The following KANSL1 variants were observed in gnomAD, a reference collection of about 807,000 sequenced individuals.
KANSL1 encodes the protein KAT8 regulatory NSL complex subunit 1.
Under a neutral mutation model 103.6 loss-of-function variants are expected in KANSL1, and 22 were observed. That is an observed-to-expected ratio of 0.21 (90% CI 0.15 to 0.30). The LOEUF (loss-of-function observed/expected upper bound fraction) is 0.30. Among genes scored for constraint, KANSL1 ranks in the 10% least tolerant of loss-of-function variants. KANSL1 has a pLI of 1.00. For missense variants in KANSL1, 1,337 were observed against 1,399.8 expected (o/e 0.96, Z 0.72); for synonymous variants, 600 against 527.6 (o/e 1.14, Z -1.88).
chr17:46,153,929 G>A (rs2532298), intron 2 of KANSL1, among the ~76,000 whole-genome samples: 21,948 of 152,128 alleles, frequency 0.14, 2,132 homozygotes, highest in Non-Finnish European at 0.22. Flanking sequence ...ATATGTAAGG[G>A]CTTTAAATAA....
intron 6 of KANSL1, among the ~76,000 whole-genome samples, chr17:46,065,758 T>A (rs1247277175): frequency 2.0e-5 from 3 of 152,256 alleles, no homozygotes; most frequent in Non-Finnish European, 4.4e-5. Context: ...AGGCAACTGC[T>A]ATTTGAAGAG....
intron 2 of KANSL1, among the ~76,000 whole-genome samples, chr17:46,140,135 T>C (rs567366039): frequency 7.9e-5 from 12 of 152,170 alleles, no homozygotes; most frequent in East Asian, 3.9e-4. Context: ...CACATACACA[T>C]ACATACATAT....
At chr17:46,200,192 T>G (rs1483009657) in intron 1 of KANSL1, among the ~76,000 whole-genome samples, 1 of 152,224 alleles carries the variant, frequency 6.6e-6, no homozygotes, top group Non-Finnish European at 1.5e-5. Context: ...TCTAATATAC[T>G]GATTTTGCAG....
At chr17:46,064,959 GT>G (rs908656441) in intron 6 of KANSL1, among the ~76,000 whole-genome samples, 2 of 151,220 alleles carry the variant, frequency 1.3e-5, no homozygotes, top group South Asian at 2.1e-4. Flanking sequence ...GTATACGTGT[GT>G]TTTTTTTGTT....
intron 1 of KANSL1, among the ~76,000 whole-genome samples, chr17:46,220,588 A>G (rs1317061635): frequency 6.6e-6 from 1 of 152,290 alleles, no homozygotes; most frequent in East Asian, 1.9e-4. Flanking sequence ...ATATAATGCA[A>G]TGAGAAGTCT....
chr17:46,135,616 C>T (rs966597393), intron 2 of KANSL1, among the ~76,000 whole-genome samples: 2 of 143,826 alleles, frequency 1.4e-5, no homozygotes, highest in East Asian at 2.0e-4. Context: ...ATAATCATGG[C>T]TCATTTCAGC....
intron 3 of KANSL1, among the ~76,000 whole-genome samples, chr17:46,085,030 T>C (rs1363082314): frequency 6.6e-6 from 1 of 152,168 alleles, no homozygotes; most frequent in Non-Finnish European, 1.5e-5. Flanking sequence ...AATCATTTTA[T>C]TATTCAAATT....
At position 46,039,769 on chromosome 17, in the gene KANSL1, C is replaced by T. The variant is rs2277613; in HGVS notation, c.2136G>A (p.Pro712=). The T allele has an allele frequency of 0.038, 60,531 of 1,614,126 alleles. 8,477 individuals are homozygous for T. The East Asian group carries it at 0.46, about 12-fold the overall frequency. The part of the protein sequence containing the change: ...KLSLKHRAPM[P]GSLPDSARKD... Reference sequence around the variant, plus strand: ...TACGAGCTGAATCTGGCAGACTGCCCGGCATGGGTGCTCTGTGCTTAAGCG... The same window carrying T: ...TACGAGCTGAATCTGGCAGACTGCCTGGCATGGGTGCTCTGTGCTTAAGCG... Residue 712 remains proline, a synonymous_variant, in exon 8 of 15, where the codon CCG becomes CCA. Transcript: ENST00000432791.
At chr17:46,104,865 G>T (rs772733765) in intron 2 of KANSL1, among the ~76,000 whole-genome samples, 1 of 152,206 alleles carries the variant, frequency 6.6e-6, no homozygotes, top group South Asian at 2.1e-4. Flanking sequence ...GCCTAGGCTG[G>T]AGTGCAATGG....
chr17:46,040,272 A>G (rs1469410770), intron 7 of KANSL1: 1 of 213,934 alleles, frequency 4.7e-6, no homozygotes, highest in Non-Finnish European at 9.3e-6. Flanking sequence ...CAATTATTCA[A>G]CAATATTCAT....
chr17:46,070,194 A>C lies in KANSL1; in HGVS notation c.1534-2527T>G, dbSNP rs1036918614. Among the ~76,000 whole-genome samples the C allele has an allele frequency of 7.0e-4, 107 of 152,250 alleles. 1 individual carries two copies. Among genetic ancestry groups the C allele is most frequent in the Admixed American group, 6.8e-3 (104 of 15,288 alleles). ...GTGGTCACTGCAATGATATCTATCA[A>C]TAATCTAAATGTTGTAAGCATTATA... On this transcript the variant is annotated intron_variant, in intron 4 of 14. Transcript: ENST00000432791.
chr17:46,102,058 G>C (rs2042345314), intron 2 of KANSL1, among the ~76,000 whole-genome samples: 1 of 152,140 alleles, frequency 6.6e-6, no homozygotes, highest in Non-Finnish European at 1.5e-5. Flanking sequence ...AGATGGAGGG[G>C]ATAAAGCACA....
At chr17:46,143,279 A>G (rs1047646756) in intron 2 of KANSL1, among the ~76,000 whole-genome samples, 1 of 151,998 alleles carries the variant, frequency 6.6e-6, no homozygotes, top group African/African-American at 2.4e-5. Context: ...GGATCACCTG[A>G]AGTCAGGAGT....
At chr17:46,082,664 T>G (rs1160758203) in intron 3 of KANSL1, 122 bp from the exon 4 acceptor site, 3 of 504,068 alleles carry the variant, frequency 6.0e-6, no homozygotes, top group Middle Eastern at 3.7e-4. Context: ...CACCCTATGG[T>G]TCAGAAACAA....
intron 1 of KANSL1, among the ~76,000 whole-genome samples, chr17:46,173,475 G>A (rs959647833): frequency 2.6e-5 from 4 of 152,192 alleles, no homozygotes; most frequent in Admixed American, 1.3e-4. Context: ...TATGTGGTCT[G>A]GGAGCCAAAG....
chr17:46,109,426 TAA>T (rs1423921290), intron 2 of KANSL1, among the ~76,000 whole-genome samples: 2 of 152,240 alleles, frequency 1.3e-5, no homozygotes, highest in Non-Finnish European at 2.9e-5. Flanking sequence ...GTAAGATAGT[TAA>T]GTTTTATTGG....
chr17:46,051,806 A>C (rs1196667806), intron 6 of KANSL1, among the ~76,000 whole-genome samples: 2 of 152,380 alleles, frequency 1.3e-5, no homozygotes, highest in East Asian at 1.9e-4. Flanking sequence ...ACATCTCGAA[A>C]GCCTTTTATG....
At chr17:46,204,924 A>C (rs2047914994) in intron 1 of KANSL1, among the ~76,000 whole-genome samples, 1 of 152,256 alleles carries the variant, frequency 6.6e-6, no homozygotes. Flanking sequence ...ACAAAGTAGA[A>C]ATTGAAGAAA....
At chr17:46,137,171 T>G (rs2044189495) in intron 2 of KANSL1, among the ~76,000 whole-genome samples, 1 of 152,250 alleles carries the variant, frequency 6.6e-6, no homozygotes, top group Non-Finnish European at 1.5e-5. Flanking sequence ...CTGACTTAAT[T>G]TTAATTCTGC....
Sources: allele counts gnomAD v4.1 joint callset (sites outside exome capture counted in the v4.1 genomes callset), GRCh38; gene constraint gnomAD v4.1.1; transcripts MANE v1.5; gene names NCBI Gene and HGNC (gene_info 2026-07-23, HGNC 2026-07-21).